Variants in PLXNA2 observed in about 807,000 individuals in gnomAD.
PLXNA2 encodes the protein plexin-A2.
In PLXNA2, 91 loss-of-function variants were observed where a neutral mutation model predicts 193.5. The ratio of observed to expected loss-of-function variants is 0.47; its 90% CI spans 0.40 to 0.56. The LOEUF (loss-of-function observed/expected upper bound fraction) is 0.56. Among genes scored for constraint, PLXNA2 ranks in the 20% least tolerant of loss-of-function variants. PLXNA2 has a pLI of 0.00. For missense variants in PLXNA2, 1,995 were observed against 2,503.2 expected, an observed-to-expected ratio of 0.80 and a Z score of 4.33; for synonymous variants, 997 against 1,027.3, an observed-to-expected ratio of 0.97 and a Z score of 0.56.
At position 208,038,363 on chromosome 1, in the gene PLXNA2, C is replaced by CCT. The variant is rs1365839705; in HGVS notation, c.4764+6_4764+7dup. The CCT allele has an allele frequency of 1.3e-6, 2 of 1,582,024 alleles. No homozygotes were observed. The highest frequency in any genetic ancestry group is 2.2e-5 in the South Asian group (2 of 90,464). ...AAGCTGAAGAGGGGAAAAGACACCCCCTCTCACCTGATAATGCATCAGTGT... is the reference window on the plus strand; with the variant it reads ...AAGCTGAAGAGGGGAAAAGACACCCCCTCTCTCACCTGATAATGCATCAGTGT... On this transcript the variant is annotated splice_region_variant and intron_variant, in intron 26 of 31. Coordinates refer to ENST00000367033, the MANE Select transcript of PLXNA2 (RefSeq NM_025179.4). The surrounding 1 kb of genome is among the most constrained non-coding windows in gnomAD (Gnocchi z 4.1).
chr1:208,137,686 C>G lies in PLXNA2; in HGVS notation c.1506+4643G>C, dbSNP rs189209882. Among the ~76,000 whole-genome samples the G allele has an allele frequency of 1.2e-3, 184 of 152,282 alleles. 1 individual carries two copies. The highest frequency in any genetic ancestry group is 4.2e-3 in the African/African-American group (175 of 41,546). On this transcript the variant is annotated intron_variant, in intron 4 of 31. Coordinates refer to ENST00000367033, the MANE Select transcript of PLXNA2 (RefSeq NM_025179.4). ...AAATTTTCCCCTGGGACTGGCCGGT[C>G]TTAGATCTATTAACAGTACATTACC...
chr1:208,144,501 C>A (rs1035145532), intron 3 of PLXNA2, among the ~76,000 whole-genome samples: 1 of 152,108 alleles, frequency 6.6e-6, no homozygotes, highest in African/African-American at 2.4e-5. Context: ...CGGGGGTCCC[C>A]GGTGGTAGAA....
At chr1:208,202,860 C>T (rs750921672) in intron 3 of PLXNA2, among the ~76,000 whole-genome samples, 3 of 152,162 alleles carry the variant, frequency 2.0e-5, no homozygotes, top group Non-Finnish European at 4.4e-5. Context: ...AAACAGCCAG[C>T]TGAATACACA....
intron 4 of PLXNA2, among the ~76,000 whole-genome samples, chr1:208,127,981 C>G (rs917415163): frequency 6.6e-6 from 1 of 152,128 alleles, no homozygotes. Flanking sequence ...CACAGCCTGC[C>G]CATCTTGCAG....
chr1:208,119,933 C>T (rs1351745905), intron 4 of PLXNA2, among the ~76,000 whole-genome samples: 1 of 152,164 alleles, frequency 6.6e-6, no homozygotes, highest in Middle Eastern at 3.2e-3. Context: ...ACTTTCTAAT[C>T]CTTAGGGACA....
At position 208,210,265 on chromosome 1, in the gene PLXNA2, C is replaced by T. The variant is rs756274239; in HGVS notation, c.1371+15G>A. On this transcript the variant is annotated intron_variant, in intron 3 of 31. Transcript: ENST00000367033. The stretch of plus-strand genomic sequence containing the variant: ...GGTGAATGGCATTGGAGCATCTGAA[C>T]TCATAGACTCTTACCTTTTTCAGCT... The T allele has an allele frequency of 3.7e-6, 6 of 1,613,612 alleles. No individual in the cohort carries two copies. The highest frequency in any genetic ancestry group is 5.1e-6 in the Non-Finnish European group (6 of 1,179,764).
intron 13 of PLXNA2, among the ~76,000 whole-genome samples, chr1:208,059,862 G>C (rs1268150264): frequency 2.0e-5 from 3 of 148,574 alleles, no homozygotes; most frequent in East Asian, 1.9e-4. Context: ...TGGCTCCGGT[G>C]GGGGGGATCA....
intron 21 of PLXNA2, 63 bp from the exon 22 acceptor site, chr1:208,042,429 G>T: frequency 6.4e-7 from 1 of 1,562,232 alleles, no homozygotes; most frequent in Non-Finnish European, 8.7e-7. Context: ...CCTACCTGAG[G>T]GTCTCACTGA....
intron 9 of PLXNA2, among the ~76,000 whole-genome samples, chr1:208,085,211 C>T (rs1250849152): frequency 3.3e-5 from 5 of 152,034 alleles, no homozygotes; most frequent in Admixed American, 1.3e-4. Flanking sequence ...GAGAGAGAGA[C>T]AGTGAGAAAG....
At chr1:208,169,570 C>CA (rs1669427365) in intron 3 of PLXNA2, among the ~76,000 whole-genome samples, 1 of 152,164 alleles carries the variant, frequency 6.6e-6, no homozygotes, top group African/African-American at 2.4e-5. Context: ...GGCAAGTGGA[C>CA]AAAGGGCTGG....
At chr1:208,046,671 T>C (rs1665078995) in intron 17 of PLXNA2, among the ~76,000 whole-genome samples, 1 of 149,826 alleles carries the variant, frequency 6.7e-6, no homozygotes, top group African/African-American at 2.5e-5. Flanking sequence ...GAAGAATGAG[T>C]AGGACTTACC....
At chr1:208,029,176 T>C in intron 29 of PLXNA2, 134 bp from the exon 30 acceptor site, 1 of 1,466,542 alleles carries the variant, frequency 6.8e-7, no homozygotes, top group Non-Finnish European at 9.0e-7. Flanking sequence ...AGAAAATGGG[T>C]CCAGCCAGGG....
intron 3 of PLXNA2, among the ~76,000 whole-genome samples, chr1:208,177,266 G>T (rs547003485): frequency 1.1e-4 from 17 of 152,106 alleles, no homozygotes; most frequent in Admixed American, 2.6e-4. Context: ...TCAGAGTCCA[G>T]CATAGTGCCT....
chr1:208,053,107 C>CTGACCTGA (rs1665317305), intron 14 of PLXNA2, among the ~76,000 whole-genome samples: 1 of 152,240 alleles, frequency 6.6e-6, no homozygotes, highest in South Asian at 2.1e-4. Flanking sequence ...ACCTAAAATG[C>CTGACCTGA]ATCAGGTGGC....
Position 208,082,344 on chromosome 1 carries a change from T to TCA in PLXNA2, c.2395+67_2395+68insTG. 8.0e-7 allele frequency: 1 copy of TCA among 1,253,158 alleles called. No homozygotes were observed. 77.6% of individuals were successfully genotyped at this position (1,253,158 alleles called of 1,614,324 possible). On this transcript the variant is annotated intron_variant, in intron 11 of 31. Transcript: ENST00000367033. The surrounding 1 kb of genome is among the most constrained non-coding windows in gnomAD (Gnocchi z 4.2). ...TGGCACAGCGGCTGGCTGGCTCTGATCCCTCTAGCCCCAGTCTTTCCCGGG... is the reference window on the plus strand; with the variant it reads ...TGGCACAGCGGCTGGCTGGCTCTGATCACCCTCTAGCCCCAGTCTTTCCCGGG...
At chr1:208,220,758 G>C (rs1281913489) in intron 1 of PLXNA2, among the ~76,000 whole-genome samples, 1 of 152,052 alleles carries the variant, frequency 6.6e-6, no homozygotes, top group Non-Finnish European at 1.5e-5. Context: ...TGTCTTTGAA[G>C]ACTCCACAGG....
intron 4 of PLXNA2, among the ~76,000 whole-genome samples, chr1:208,119,111 T>A (rs1667729319): frequency 6.6e-6 from 1 of 152,186 alleles, no homozygotes; most frequent in Admixed American, 6.5e-5. Context: ...GGATGGGGCA[T>A]CAATACTGCT....
At position 208,027,144 on chromosome 1, in the gene PLXNA2, G is replaced by A. The variant is rs1167554855; in HGVS notation, c.*99C>T. 1 of 1,105,562 alleles carries A rather than the reference G, an allele frequency of 9.0e-7. No homozygotes were observed. The highest frequency in any genetic ancestry group is 1.5e-5 in the African/African-American group (1 of 65,430). 68.5% of individuals were successfully genotyped at this position (1,105,562 alleles called of 1,614,324 possible). A position where few individuals can be genotyped will look rare whatever the true frequency, so the allele number is the denominator to read the frequency against. ...AGGATGGGGTCTCAGGGGACAGCAA[G>A]CTCTGGGGCCTGATCCCCATCACTT... On this transcript the variant is annotated 3_prime_UTR_variant, in exon 32 of 32. Coordinates refer to ENST00000367033, the MANE Select transcript of PLXNA2 (RefSeq NM_025179.4).
chr1:208,035,656 A>G (rs1357064945), intron 26 of PLXNA2, among the ~76,000 whole-genome samples: 2 of 152,244 alleles, frequency 1.3e-5, no homozygotes, highest in Admixed American at 6.5e-5. Flanking sequence ...TAAAACAGCT[A>G]TAATAATGTT....
Sources: allele counts gnomAD v4.1 joint callset (sites outside exome capture counted in the v4.1 genomes callset), GRCh38; gene constraint gnomAD v4.1.1; non-coding constraint Gnocchi (gnomAD v3.1); transcripts MANE v1.5; gene names NCBI Gene and HGNC (gene_info 2026-07-23, HGNC 2026-07-21).